Variants in GALNT13 observed in about 807,000 individuals in gnomAD.
The protein encoded by GALNT13 is polypeptide N-acetylgalactosaminyltransferase 13.
A neutral mutation model predicts 64.2 loss-of-function variants in GALNT13; 28 were observed. The ratio of observed to expected loss-of-function variants is 0.44; its 90% CI spans 0.32 to 0.60. GALNT13 has a LOEUF of 0.60. Ranked by LOEUF, GALNT13 falls within the 20% of genes least tolerant of loss-of-function variation. The pLI is 0.05. For synonymous variants in GALNT13, 214 were observed against 224.6 expected (o/e 0.95, Z 0.42); for missense variants, 577 against 669.8 (o/e 0.86, Z 1.53).
intron 9 of GALNT13, among the ~76,000 whole-genome samples, chr2:154,335,126 C>T (rs1484455789): frequency 6.6e-6 from 1 of 151,914 alleles, no homozygotes; most frequent in Non-Finnish European, 1.5e-5. Flanking sequence ...ATTCTACACC[C>T]TACTTTTCAA....
At chr2:154,398,272 A>G (rs1366002856) in intron 10 of GALNT13, among the ~76,000 whole-genome samples, 1 of 152,222 alleles carries the variant, frequency 6.6e-6, no homozygotes, top group African/African-American at 2.4e-5. Flanking sequence ...ACCAAGGGCT[A>G]TAACAGGACA....
chr2:153,949,212 A>G (rs1014257106), intron 3 of GALNT13, among the ~76,000 whole-genome samples: 1 of 152,166 alleles, frequency 6.6e-6, no homozygotes, highest in Admixed American at 6.6e-5. Flanking sequence ...TGATGTTTGC[A>G]CAATGATGAC....
the GALNT13 span, among the ~76,000 whole-genome samples, chr2:153,190,051 A>T: frequency 2.2e-4 from 33 of 152,016 alleles, no homozygotes; most frequent in African/African-American, 8.0e-4. Flanking sequence ...TTGTCTCTTC[A>T]CTTTGTTGAT....
chr2:154,253,578 C>T (rs1248047512), intron 7 of GALNT13, among the ~76,000 whole-genome samples: 4 of 152,190 alleles, frequency 2.6e-5, no homozygotes, highest in African/African-American at 7.2e-5. Flanking sequence ...GCCAAGAGTT[C>T]GAGATTATCC....
the GALNT13 span, among the ~76,000 whole-genome samples, chr2:153,759,096 G>C: frequency 0.36 from 54,012 of 151,926 alleles, 10,154 homozygotes; most frequent in African/African-American, 0.43. Context: ...TTCTGTTTCA[G>C]ATTGTTCATT....
the GALNT13 span, among the ~76,000 whole-genome samples, chr2:153,559,325 C>T: frequency 2.6e-5 from 4 of 152,224 alleles, no homozygotes; most frequent in African/African-American, 4.8e-5. Flanking sequence ...AGTGGCTTTA[C>T]GTCCTAACGG....
chr2:153,324,541 G>C, the GALNT13 span, among the ~76,000 whole-genome samples: 1 of 152,244 alleles, frequency 6.6e-6, no homozygotes. Flanking sequence ...TTGAATAGGA[G>C]TGGTGAGATA....
the GALNT13 span, among the ~76,000 whole-genome samples, chr2:153,735,924 G>T: frequency 6.6e-6 from 1 of 152,140 alleles, no homozygotes; most frequent in Non-Finnish European, 1.5e-5. Flanking sequence ...ATTTAAGTTG[G>T]TAGTTACCAA....
chr2:153,404,452 A>G, the GALNT13 span, among the ~76,000 whole-genome samples: 3 of 151,940 alleles, frequency 2.0e-5, no homozygotes, highest in Non-Finnish European at 2.9e-5. Context: ...AGCAAGTTGT[A>G]TTTCCTGTTC....
At chr2:153,147,233 T>A in the GALNT13 span, among the ~76,000 whole-genome samples, 1 of 151,886 alleles carries the variant, frequency 6.6e-6, no homozygotes, top group African/African-American at 2.4e-5. Flanking sequence ...GCTCTGATCC[T>A]GCTGGAGCCC....
At chr2:154,372,021 A>C (rs1225116867) in intron 9 of GALNT13, among the ~76,000 whole-genome samples, 1 of 152,112 alleles carries the variant, frequency 6.6e-6, no homozygotes. Flanking sequence ...ATATTCAATG[A>C]GTTATTACAA....
the GALNT13 span, among the ~76,000 whole-genome samples, chr2:153,231,970 T>C: frequency 6.6e-6 from 1 of 152,182 alleles, no homozygotes; most frequent in East Asian, 1.9e-4. Flanking sequence ...TTCTTATTTT[T>C]TGTGGTGCTG....
chr2:153,608,182 A>G, the GALNT13 span, among the ~76,000 whole-genome samples: 1 of 152,212 alleles, frequency 6.6e-6, no homozygotes, highest in African/African-American at 2.4e-5. Flanking sequence ...TTAAGAGATT[A>G]ATAGTGGATG....
chr2:153,264,076 A>G, the GALNT13 span, among the ~76,000 whole-genome samples: 2 of 152,222 alleles, frequency 1.3e-5, no homozygotes, highest in Non-Finnish European at 2.9e-5. Context: ...TCCAGAGTCT[A>G]CAAGGAACTT....
chr2:153,570,323 G>C, the GALNT13 span, among the ~76,000 whole-genome samples: 15 of 152,076 alleles, frequency 9.9e-5, no homozygotes, highest in Admixed American at 8.5e-4. Flanking sequence ...TGTTGTTTAA[G>C]CTGTTTATAT....
the GALNT13 span, among the ~76,000 whole-genome samples, chr2:153,385,814 C>T: frequency 1.3e-5 from 2 of 151,790 alleles, no homozygotes; most frequent in Non-Finnish European, 2.9e-5. Flanking sequence ...AAAGTATCTC[C>T]TTTAACCCAT....
At chr2:154,336,075 TC>T (rs1375525817) in intron 9 of GALNT13, among the ~76,000 whole-genome samples, 1 of 152,064 alleles carries the variant, frequency 6.6e-6, no homozygotes, top group African/African-American at 2.4e-5. Context: ...AAAGACTGAA[TC>T]CACGTGAATT....
the GALNT13 span, among the ~76,000 whole-genome samples, chr2:153,212,578 C>T: frequency 1.3e-5 from 2 of 152,256 alleles, no homozygotes; most frequent in East Asian, 3.9e-4. Flanking sequence ...TTGTGACTTA[C>T]CTGATCCTAG....
the GALNT13 span, among the ~76,000 whole-genome samples, chr2:153,667,216 A>T: frequency 9.2e-5 from 14 of 152,212 alleles, no homozygotes; most frequent in African/African-American, 3.4e-4. Flanking sequence ...ATATTTGAGG[A>T]TATCATCCCT....
Sources: allele counts gnomAD v4.1 joint callset (sites outside exome capture counted in the v4.1 genomes callset), GRCh38; gene constraint gnomAD v4.1.1; transcripts MANE v1.5; gene names NCBI Gene and HGNC (gene_info 2026-07-23, HGNC 2026-07-21).